Variants in HS3ST5 observed in about 807,000 individuals in gnomAD.
The protein encoded by HS3ST5 is heparan sulfate-glucosamine 3-sulfotransferase 5.
A neutral mutation model predicts 25.4 loss-of-function variants in HS3ST5; 10 were observed. The observed-to-expected ratio is 0.39, with a 90% confidence interval of 0.24 to 0.67. The LOEUF (loss-of-function observed/expected upper bound fraction) is 0.67, where lower values mean the gene tolerates loss of function less well. Ranked by LOEUF, HS3ST5 falls within the 30% of genes least tolerant of loss-of-function variation. The pLI, the probability that HS3ST5 is intolerant of heterozygous loss-of-function variation, is 0.44. For synonymous variants in HS3ST5, 170 were observed against 162.4 expected (o/e 1.05, Z -0.36); for missense variants, 324 against 420.7 (o/e 0.77, Z 2.01).
intron 1 of HS3ST5, among the ~76,000 whole-genome samples, chr6:114,264,239 C>T (rs962095290): frequency 2.6e-5 from 4 of 152,048 alleles, no homozygotes; most frequent in Non-Finnish European, 5.9e-5. Context: ...ATTTAGATTG[C>T]CTCTAGACCT....
intron 3 of HS3ST5, among the ~76,000 whole-genome samples, chr6:114,146,162 C>T (rs930698961): frequency 6.6e-6 from 1 of 152,210 alleles, no homozygotes; most frequent in Non-Finnish European, 1.5e-5. Flanking sequence ...CACAGTTCTA[C>T]AAGAAGCAAT....
chr6:114,192,418 A>G (rs1780546562), intron 2 of HS3ST5, among the ~76,000 whole-genome samples: 1 of 152,212 alleles, frequency 6.6e-6, no homozygotes, highest in Non-Finnish European at 1.5e-5. Flanking sequence ...CAAAGCTGTT[A>G]AGAGGCAAGA....
At position 114,337,282 on chromosome 6, in the gene HS3ST5, C is replaced by G. The variant is rs898487618; in HGVS notation, c.-339+4913G>C. Among the ~76,000 whole-genome samples, 3 of 152,278 alleles carry G rather than the reference C, an allele frequency of 2.0e-5. No individual in the cohort carries two copies. In the South Asian group the frequency reaches 6.2e-4, roughly 32 times the overall value. On this transcript the variant is annotated intron_variant, in intron 1 of 4. Coordinates refer to ENST00000312719, the MANE Select transcript of HS3ST5 (RefSeq NM_153612.4). The stretch of plus-strand genomic sequence containing the variant: ...CTGGAGAAGCAACATGTGGAATGCT[C>G]TGCTTCAGTACATGCAGTAAATATT...
intron 2 of HS3ST5, among the ~76,000 whole-genome samples, chr6:114,222,269 A>G (rs1047808801): frequency 9.2e-5 from 14 of 151,804 alleles, no homozygotes; most frequent in Non-Finnish European, 1.6e-4. Flanking sequence ...TTTACTTGTT[A>G]TAATTGTTTT....
chr6:114,072,238 A>G (rs1457240430), intron 3 of HS3ST5, among the ~76,000 whole-genome samples: 1 of 152,194 alleles, frequency 6.6e-6, no homozygotes, highest in African/African-American at 2.4e-5. Context: ...TGGTGACAAA[A>G]AATACTCTTA....
At chr6:114,182,920 G>T (rs1780038113) in intron 2 of HS3ST5, among the ~76,000 whole-genome samples, 1 of 152,084 alleles carries the variant, frequency 6.6e-6, no homozygotes, top group Non-Finnish European at 1.5e-5. Flanking sequence ...ATTAGTTAAG[G>T]GTCTGAATAG....
chr6:114,186,420 G>A (rs1399978312), intron 2 of HS3ST5, among the ~76,000 whole-genome samples: 1 of 152,102 alleles, frequency 6.6e-6, no homozygotes, highest in African/African-American at 2.4e-5. Flanking sequence ...ATTTAGTCAG[G>A]AGAGAAGATC....
intron 3 of HS3ST5, among the ~76,000 whole-genome samples, chr6:114,138,086 A>G (rs1204355117): frequency 6.6e-6 from 1 of 152,140 alleles, no homozygotes; most frequent in Non-Finnish European, 1.5e-5. Flanking sequence ...CTGAAGTCAC[A>G]TTGGTCAGAT....
chr6:114,167,180 A>G (rs1779258595), intron 3 of HS3ST5, among the ~76,000 whole-genome samples: 1 of 152,218 alleles, frequency 6.6e-6, no homozygotes, highest in Non-Finnish European at 1.5e-5. Flanking sequence ...TGTTATCAAT[A>G]GCAACTGGTC....
intron 3 of HS3ST5, among the ~76,000 whole-genome samples, chr6:114,077,765 T>C (rs1039121419): frequency 1.3e-5 from 2 of 152,206 alleles, no homozygotes; most frequent in African/African-American, 4.8e-5. Context: ...TTTTAAATTT[T>C]ATTTACCTCA....
chr6:114,092,004 CACTCAG>C (rs1775144705), intron 3 of HS3ST5, among the ~76,000 whole-genome samples: 1 of 152,180 alleles, frequency 6.6e-6, no homozygotes, highest in Non-Finnish European at 1.5e-5. Context: ...CTCAAACTCT[CACTCAG>C]TTAAAACATC....
intron 1 of HS3ST5, among the ~76,000 whole-genome samples, chr6:114,245,077 A>C (rs964937381): frequency 6.6e-6 from 1 of 152,230 alleles, no homozygotes; most frequent in African/African-American, 2.4e-5. Flanking sequence ...GGTGGCATCT[A>C]GGTTTTAGAT....
intron 3 of HS3ST5, among the ~76,000 whole-genome samples, chr6:114,150,087 A>C (rs11969860): frequency 0.29 from 44,321 of 152,140 alleles, 6,894 homozygotes; most frequent in South Asian, 0.45. Flanking sequence ...GTAGGAAATG[A>C]CTATGTTTTT....
chr6:114,155,006 C>T (rs754463553), intron 3 of HS3ST5, among the ~76,000 whole-genome samples: 1 of 152,144 alleles, frequency 6.6e-6, no homozygotes, highest in African/African-American at 2.4e-5. Flanking sequence ...CTGGAATGTC[C>T]GCTCTGGGAG....
chr6:114,226,437 A>T (rs1432781071), intron 2 of HS3ST5, among the ~76,000 whole-genome samples: 2 of 151,926 alleles, frequency 1.3e-5, no homozygotes, highest in African/African-American at 4.8e-5. Flanking sequence ...ATTTCCCCTT[A>T]GTTTTCTTAT....
In HS3ST5 at chr6:114,200,416, G is replaced by A. The variant is rs77630883; in HGVS notation, c.-145+28169C>T. Among the ~76,000 whole-genome samples, 706 of 152,280 alleles carry A rather than the reference G, an allele frequency of 4.6e-3. 4 individuals are homozygous for A. Among genetic ancestry groups the A allele is most frequent in the African/African-American group, 0.016 (683 of 41,552 alleles). On this transcript the variant is annotated intron_variant, in intron 2 of 4. Transcript: ENST00000312719. ...GTTTGTAAATGCTCGGTTATACAAGGTGGTGAGATTCCTTTTTGTCTTTGA... is the reference window on the plus strand; with the variant it reads ...GTTTGTAAATGCTCGGTTATACAAGATGGTGAGATTCCTTTTTGTCTTTGA...
chr6:114,138,881 A>G (rs1234636738), intron 3 of HS3ST5, among the ~76,000 whole-genome samples: 1 of 152,110 alleles, frequency 6.6e-6, no homozygotes, highest in Non-Finnish European at 1.5e-5. Context: ...CTTGCTTCCT[A>G]GTTCACAGAA....
intron 3 of HS3ST5, among the ~76,000 whole-genome samples, chr6:114,077,525 GGTAACAATTATA>G (rs1381687897): frequency 2.0e-5 from 3 of 152,098 alleles, no homozygotes; most frequent in Non-Finnish European, 2.9e-5. Flanking sequence ...GAGTTGGAGA[GGTAACAATTATA>G]GTTAATTAAG....
At chr6:114,219,485 G>T (rs1414372044) in intron 2 of HS3ST5, among the ~76,000 whole-genome samples, 1 of 152,180 alleles carries the variant, frequency 6.6e-6, no homozygotes, top group African/African-American at 2.4e-5. Context: ...CATGGGGGAA[G>T]GGGTAGAGGG....
Sources: gnomAD v4.1 joint callset for allele counts (sites outside exome capture counted in the v4.1 genomes callset) on GRCh38, gnomAD v4.1.1 for gene constraint, MANE v1.5 for transcripts, NCBI Gene and HGNC (gene_info 2026-07-23, HGNC 2026-07-21) for gene names.